TMEM131L: variants seen among roughly 807,000 people sequenced by gnomAD.
TMEM131L encodes transmembrane 131 like, also known as transmembrane protein 131-like.
TMEM131L carries 54 observed loss-of-function variants against 192.2 expected under a neutral mutation model. The ratio of observed to expected loss-of-function variants is 0.28; its 90% CI spans 0.23 to 0.35. The LOEUF is 0.35. Among genes scored for constraint, TMEM131L ranks in the 10% least tolerant of loss-of-function variants. TMEM131L has a pLI of 1.00. For synonymous variants in TMEM131L, 701 were observed against 704.9 expected (o/e 0.99, Z 0.09); for missense variants, 1,888 against 1,972.9 (o/e 0.96, Z 0.82).
intron 30 of TMEM131L, among the ~76,000 whole-genome samples, chr4:153,627,387 G>A (rs1382665800): frequency 6.6e-6 from 1 of 151,908 alleles, no homozygotes; most frequent in Non-Finnish European, 1.5e-5. Flanking sequence ...TTTTGTTGTT[G>A]GTTATGACAA....
intron 3 of TMEM131L, among the ~76,000 whole-genome samples, chr4:153,532,436 G>A: frequency 7.1e-6 from 1 of 141,732 alleles, no homozygotes. Context: ...TGCTATTAGT[G>A]CTTTTTTTTT....
At chr4:153,518,844 A>T (rs1734916024) in intron 3 of TMEM131L, among the ~76,000 whole-genome samples, 2 of 152,026 alleles carry the variant, frequency 1.3e-5, no homozygotes, top group African/African-American at 4.8e-5. Flanking sequence ...ACACGTGCTG[A>T]TTTCCTGGTT....
chr4:153,472,437 A>G (rs963629804), intron 2 of TMEM131L, among the ~76,000 whole-genome samples: 1 of 152,224 alleles, frequency 6.6e-6, no homozygotes, highest in African/African-American at 2.4e-5. Flanking sequence ...ATCCACATGT[A>G]GTTAAGAAAC....
chr4:153,517,039 C>A (rs777951102), intron 3 of TMEM131L, among the ~76,000 whole-genome samples: 21 of 152,098 alleles, frequency 1.4e-4, no homozygotes, highest in Non-Finnish European at 2.6e-4. Flanking sequence ...GTTGGCCAGG[C>A]TGGTCTCAAA....
At chr4:153,531,178 G>A (rs997631697) in intron 3 of TMEM131L, among the ~76,000 whole-genome samples, 3 of 152,138 alleles carry the variant, frequency 2.0e-5, no homozygotes, top group Admixed American at 1.3e-4. Flanking sequence ...ATGTACACTG[G>A]AATTGTCTGA....
At chr4:153,579,129 G>A (rs1730165123) in intron 7 of TMEM131L, among the ~76,000 whole-genome samples, 1 of 152,120 alleles carries the variant, frequency 6.6e-6, no homozygotes, top group South Asian at 2.1e-4. Flanking sequence ...GGGAGGCTGA[G>A]GTGGGTGGAT....
chr4:153,552,539 T>G (rs1737704596), intron 4 of TMEM131L, among the ~76,000 whole-genome samples: 1 of 152,114 alleles, frequency 6.6e-6, no homozygotes, highest in African/African-American at 2.4e-5. Context: ...TACTTTAGAT[T>G]ATCTCTAGAG....
intron 25 of TMEM131L, among the ~76,000 whole-genome samples, chr4:153,607,977 G>A (rs528279559): frequency 6.6e-6 from 1 of 152,184 alleles, no homozygotes; most frequent in African/African-American, 2.4e-5. Flanking sequence ...GCCAGGCATG[G>A]TGGTACATGA....
rs1391473843 is a variant in TMEM131L, at chr4:153,558,376, T to G, written c.660+8T>G. 1 of 1,538,658 alleles carries G rather than the reference T, an allele frequency of 6.5e-7. No individual in the cohort carries two copies. On this transcript the variant is annotated splice_region_variant and intron_variant, in intron 7 of 34. Transcript: ENST00000409959. ...CAGCTGTCTCAAATGCAGGTCATTT[T>G]AATAGATTTACTTTGAATGCTGGTG...
intron 4 of TMEM131L, among the ~76,000 whole-genome samples, chr4:153,552,928 GTGT>G (rs1561185633): frequency 6.9e-6 from 1 of 144,094 alleles, no homozygotes; most frequent in Non-Finnish European, 1.5e-5. Context: ...CTTTTTTCTT[GTGT>G]TGTTATTTTT....
chr4:153,562,846 A>G (rs1351151089), intron 7 of TMEM131L, among the ~76,000 whole-genome samples: 3 of 152,350 alleles, frequency 2.0e-5, no homozygotes, highest in Middle Eastern at 3.4e-3. Context: ...GAGAGAAGAA[A>G]TACTGTTGTT....
intron 33 of TMEM131L, among the ~76,000 whole-genome samples, chr4:153,635,055 T>C (rs1351231235): frequency 1.3e-5 from 2 of 152,226 alleles, no homozygotes; most frequent in African/African-American, 4.8e-5. Context: ...AGATGATATA[T>C]GTGTAGGTCG....
chr4:153,625,396 A>G (rs551604683), intron 29 of TMEM131L, among the ~76,000 whole-genome samples: 6 of 152,196 alleles, frequency 3.9e-5, no homozygotes, highest in South Asian at 2.1e-4. Flanking sequence ...CTCGACAAAA[A>G]AAAAGGGGGT....
intron 23 of TMEM131L, 112 bp downstream of exon 23, chr4:153,602,839 A>G: frequency 2.2e-6 from 2 of 913,976 alleles, no homozygotes; most frequent in South Asian, 1.6e-5. Context: ...ATTGAGTGGA[A>G]TTGTTACTGC....
At position 153,568,068 on chromosome 4, in the gene TMEM131L, A is replaced by G. The variant is rs1348047721; in HGVS notation, c.660+9700A>G. On this transcript the variant is annotated intron_variant, in intron 7 of 34. Coordinates refer to ENST00000409959, the MANE Select transcript of TMEM131L (RefSeq NM_001131007.2). ...ATTAAGTGATGTTGTACATTTACTT[A>G]TCTACCTACTTCTGAATATAGCTTT... Among the ~76,000 whole-genome samples, 4 of 152,242 alleles carry G rather than the reference A, an allele frequency of 2.6e-5. No individual in the cohort carries two copies. In the East Asian group the frequency reaches 7.7e-4, roughly 29 times the overall value.
chr4:153,512,816 G>C (rs1479800921), intron 3 of TMEM131L, among the ~76,000 whole-genome samples: 1 of 152,148 alleles, frequency 6.6e-6, no homozygotes, highest in Non-Finnish European at 1.5e-5. Flanking sequence ...GTTTCACCAT[G>C]TTGGCCAAGA....
At chr4:153,590,594 A>C (rs1046827526) in intron 16 of TMEM131L, among the ~76,000 whole-genome samples, 3 of 152,246 alleles carry the variant, frequency 2.0e-5, no homozygotes, top group Non-Finnish European at 4.4e-5. Flanking sequence ...AATCCTTGCC[A>C]GAATCAATTG....
chr4:153,543,581 G>A lies in TMEM131L; in HGVS notation c.240-6492G>A, dbSNP rs117424291. On this transcript the variant is annotated intron_variant, in intron 3 of 34. Transcript: ENST00000409959. Reference sequence around the variant, plus strand: ...ACCAGTCTGATTGTTGGCATGCATCGGTATAGACACCCCCCAGGCTGGGAC... The same window carrying A: ...ACCAGTCTGATTGTTGGCATGCATCAGTATAGACACCCCCCAGGCTGGGAC... Among the ~76,000 whole-genome samples the A allele has an allele frequency of 1.7e-3, 260 of 152,270 alleles. 9 individuals are homozygous for A. The East Asian group carries it at 0.047, about 27-fold the overall frequency.
At chr4:153,532,827 A>G (rs1322800081) in intron 3 of TMEM131L, among the ~76,000 whole-genome samples, 1 of 152,130 alleles carries the variant, frequency 6.6e-6, no homozygotes, top group Non-Finnish European at 1.5e-5. Flanking sequence ...TGCTGGGTTC[A>G]TGTACCTACT....
Sources: gnomAD v4.1 joint callset for allele counts (sites outside exome capture counted in the v4.1 genomes callset) on GRCh38, gnomAD v4.1.1 for gene constraint, MANE v1.5 for transcripts, NCBI Gene and HGNC (gene_info 2026-07-23, HGNC 2026-07-21) for gene names.